The following GRB10 variants were observed in gnomAD, a reference collection of about 807,000 sequenced individuals.
The protein encoded by GRB10 is growth factor receptor-bound protein 10.
In GRB10, 20 loss-of-function variants were observed where a neutral mutation model predicts 80.9. That is an observed-to-expected ratio of 0.25 (90% CI 0.17 to 0.36). GRB10 has a LOEUF of 0.36. GRB10 is among the 10% of genes least tolerant of loss of function. The pLI, the probability that GRB10 is intolerant of heterozygous loss-of-function variation, is 1.00. For synonymous variants in GRB10, 291 were observed against 291.5 expected, an observed-to-expected ratio of 1.00 and a Z score of 0.02; for missense variants, 548 against 747.7, an observed-to-expected ratio of 0.73 and a Z score of 3.12.
At chr7:50,724,658 G>A (rs2068302115) in intron 4 of GRB10, among the ~76,000 whole-genome samples, 1 of 152,150 alleles carries the variant, frequency 6.6e-6, no homozygotes, top group Non-Finnish European at 1.5e-5. Context: ...GGCAAGACAG[G>A]AGAAAGGAAA....
chr7:50,633,098 T>C (rs1379777675), intron 7 of GRB10, among the ~76,000 whole-genome samples: 2 of 152,210 alleles, frequency 1.3e-5, no homozygotes, highest in Non-Finnish European at 2.9e-5. Flanking sequence ...AAGCGCCACC[T>C]ACTGGCCTGT....
intron 3 of GRB10, among the ~76,000 whole-genome samples, chr7:50,736,521 G>A (rs2070818454): frequency 6.6e-6 from 1 of 152,182 alleles, no homozygotes; most frequent in Admixed American, 6.5e-5. Flanking sequence ...GGCTGAGTAT[G>A]GTGGCTCACG....
intron 4 of GRB10, among the ~76,000 whole-genome samples, chr7:50,718,719 G>A (rs973610590): frequency 6.6e-6 from 1 of 152,176 alleles, no homozygotes; most frequent in South Asian, 2.1e-4. Context: ...GGAGCCCAAC[G>A]TTAAGTCCCG....
At chr7:50,773,443 AAG>A (rs1316136027) in intron 2 of GRB10, among the ~76,000 whole-genome samples, 1 of 16,838 alleles carries the variant, frequency 5.9e-5, no homozygotes, top group African/African-American at 9.6e-5. Context: ...GAAGGGGAGA[AAG>A]GGGAAGGGAG....
At chr7:50,738,339 T>C (rs1465652776) in intron 3 of GRB10, among the ~76,000 whole-genome samples, 1 of 152,234 alleles carries the variant, frequency 6.6e-6, no homozygotes, top group Non-Finnish European at 1.5e-5. Context: ...CCCATGTTCA[T>C]AGCAGCACTA....
At chr7:50,692,659 A>T (rs2062963877) in intron 5 of GRB10, among the ~76,000 whole-genome samples, 1 of 152,206 alleles carries the variant, frequency 6.6e-6, no homozygotes, top group Non-Finnish European at 1.5e-5. Context: ...TCTATGAAGT[A>T]TGACTTCAGA....
At chr7:50,790,860 C>T (rs1179433539) in intron 1 of GRB10, among the ~76,000 whole-genome samples, 8 of 152,220 alleles carry the variant, frequency 5.3e-5, no homozygotes, top group African/African-American at 1.9e-4. Flanking sequence ...GATTTCTACA[C>T]ATAATATAGC....
In GRB10 at chr7:50,616,268, T is replaced by G; in HGVS notation, c.926A>C (p.Lys309Thr). The G allele has an allele frequency of 6.2e-7, 1 of 1,614,108 alleles. No individual in the cohort carries two copies. Among genetic ancestry groups the G allele is most frequent in the Non-Finnish European group, 8.5e-7 (1 of 1,179,922 alleles). Residue 309 changes from lysine to threonine, a missense_variant, in exon 11 of 19, where the codon AAG becomes ACG. Lys to Thr is a moderately conservative substitution (Grantham distance 78). Around this residue, in one of 4 missense-constraint regions of GRB10, gnomAD observed 270 missense variants for 433.6 expected, o/e 0.62. Transcript: ENST00000401949. The part of the protein sequence containing the change: ...VKELGKKSWK[K>T]LYVCLRRSGL... ...AGATCTCCGCAAACACACATACAGCTTTTTCCATGATTTCTTTCCCAGCTC... is the reference window on the plus strand; with the variant it reads ...AGATCTCCGCAAACACACATACAGCGTTTTCCATGATTTCTTTCCCAGCTC...
At chr7:50,778,446 T>C (rs1234369206) in intron 2 of GRB10, among the ~76,000 whole-genome samples, 2 of 152,162 alleles carry the variant, frequency 1.3e-5, no homozygotes, top group Admixed American at 1.3e-4. Context: ...CAGGCACAAA[T>C]ACAAACATTC....
At chr7:50,732,628 A>C (rs1373839099) in intron 3 of GRB10, among the ~76,000 whole-genome samples, 1 of 152,046 alleles carries the variant, frequency 6.6e-6, no homozygotes, top group Admixed American at 6.6e-5. Flanking sequence ...GTGACATCAG[A>C]CCCTCTAAAT....
intron 3 of GRB10, among the ~76,000 whole-genome samples, chr7:50,735,963 A>AAC (rs1404330526): frequency 1.3e-5 from 2 of 152,218 alleles, no homozygotes; most frequent in East Asian, 3.8e-4. Context: ...GAAAAAGAAC[A>AAC]ACACGGAGAA....
chr7:50,767,945 T>C (rs924889086), intron 2 of GRB10, among the ~76,000 whole-genome samples: 8 of 152,136 alleles, frequency 5.3e-5, no homozygotes, highest in African/African-American at 1.9e-4. Context: ...CCCATGATGC[T>C]CTCCAAAGCT....
At position 50,606,307 on chromosome 7, in the gene GRB10, T is replaced by C. The variant is rs201160497; in HGVS notation, c.1272+30A>G. The C allele has an allele frequency of 7.9e-5, 124 of 1,578,124 alleles. 1 individual carries two copies. The African/African-American group carries it at 1.3e-3, about 16-fold the overall frequency. On this transcript the variant is annotated intron_variant, in intron 14 of 18. Transcript: ENST00000401949. ...TGTGATGCAGAAGCTGAAAAGGCAC[T>C]AGACTTCTGAAGCTCCTGGCTTTAC...
intron 4 of GRB10, among the ~76,000 whole-genome samples, chr7:50,709,823 C>T (rs1338687702): frequency 6.6e-6 from 1 of 152,004 alleles, no homozygotes. Flanking sequence ...GAAATGCAGG[C>T]TCCCAGGCCC....
At chr7:50,674,716 C>T in intron 5 of GRB10, 58 bp from the exon 6 acceptor site, 1 of 1,402,400 alleles carries the variant, frequency 7.1e-7, no homozygotes, top group South Asian at 1.2e-5. Flanking sequence ...GCAATCAAAC[C>T]CAAATGTACA....
intron 7 of GRB10, among the ~76,000 whole-genome samples, chr7:50,642,278 T>TCACACA (rs139544102): frequency 1.3e-5 from 2 of 149,652 alleles, no homozygotes; most frequent in East Asian, 2.0e-4. Context: ...CTTGGAAACT[T>TCACACA]CACACACACA....
At chr7:50,608,173 C>T (rs2048870787) in intron 13 of GRB10, among the ~76,000 whole-genome samples, 1 of 152,142 alleles carries the variant, frequency 6.6e-6, no homozygotes, top group African/African-American at 2.4e-5. Flanking sequence ...GAGCATATAT[C>T]ATGGAAAAAT....
chr7:50,657,907 A>G (rs1428265068), intron 7 of GRB10, among the ~76,000 whole-genome samples: 1 of 151,024 alleles, frequency 6.6e-6, no homozygotes, highest in Non-Finnish European at 1.5e-5. Context: ...TCTTTTTTAC[A>G]TTTTTATTAC....
chr7:50,766,001 A>T (rs1293999347), intron 2 of GRB10, among the ~76,000 whole-genome samples: 1 of 152,234 alleles, frequency 6.6e-6, no homozygotes. Context: ...GCAGAGCAAA[A>T]GGAGCCAAAA....
Sources: gnomAD v4.1 joint callset for allele counts (sites outside exome capture counted in the v4.1 genomes callset) on GRCh38, gnomAD v4.1.1 for gene constraint, gnomAD v4.1.1 regional missense constraint, MANE v1.5 for transcripts, NCBI Gene and HGNC (gene_info 2026-07-23, HGNC 2026-07-21) for gene names.